Variants in FAM169A observed in about 807,000 individuals in gnomAD.
FAM169A encodes family with sequence similarity 169 member A, also known as soluble lamin-associated protein of 75 kDa.
A neutral mutation model predicts 75.7 loss-of-function variants in FAM169A; 24 were observed. That is an observed-to-expected ratio of 0.32 (90% CI 0.23 to 0.45). The LOEUF is 0.45. Ranked by LOEUF, FAM169A falls within the 20% of genes least tolerant of loss-of-function variation. The probability of loss-of-function intolerance (pLI) is 1.00; values close to 1 mark genes in which losing one functional copy is unlikely to be tolerated. For missense variants in FAM169A, 673 were observed against 784.0 expected, an observed-to-expected ratio of 0.86 and a Z score of 1.69; for synonymous variants, 271 against 271.0, an observed-to-expected ratio of 1.00 and a Z score of 0.00.
intron 1 of FAM169A, among the ~76,000 whole-genome samples, chr5:74,851,453 T>TA (rs147368152): frequency 7.9e-5 from 12 of 152,318 alleles, no homozygotes; most frequent in East Asian, 1.9e-4. Flanking sequence ...ACAAAATACA[T>TA]ACTGAATTAC....
intron 11 of FAM169A, among the ~76,000 whole-genome samples, chr5:74,792,680 T>C (rs1434099440): frequency 6.6e-6 from 1 of 152,096 alleles, no homozygotes; most frequent in Non-Finnish European, 1.5e-5. Flanking sequence ...ACACTAATTA[T>C]CAAGGAAATG....
In FAM169A at chr5:74,800,918, T is replaced by G. The variant is rs554555834; in HGVS notation, c.1065A>C (p.Glu355Asp). 1 of 1,514,928 alleles carries G rather than the reference T, an allele frequency of 6.6e-7. No homozygotes were observed. The highest frequency in any genetic ancestry group is 8.9e-7 in the Non-Finnish European group (1 of 1,128,376). 93.8% of individuals were successfully genotyped at this position (1,514,928 alleles called of 1,614,324 possible). A position where few individuals can be genotyped will look rare whatever the true frequency, so the allele number is the denominator to read the frequency against. The part of the protein sequence containing the change: ...SEFSSSQGED[E>D]KTSQTSLTAS... ...CTGTAAGTGAAGTCTGGGAGGTCTTTTCATCTTCACCTTGAGAACTGCTAA... is the reference window on the plus strand; with the variant it reads ...CTGTAAGTGAAGTCTGGGAGGTCTTGTCATCTTCACCTTGAGAACTGCTAA... The change falls in exon 10 of 13, where the codon GAA becomes GAC. Residue 355 changes from glutamate to aspartate, a missense_variant. Glu to Asp is a conservative substitution (Grantham distance 45). Coordinates refer to ENST00000687041, the MANE Select transcript of FAM169A (RefSeq NM_001376049.1).
chr5:74,835,962 CA>C (rs1360899188), intron 4 of FAM169A, among the ~76,000 whole-genome samples: 1 of 152,160 alleles, frequency 6.6e-6, no homozygotes, highest in Non-Finnish European at 1.5e-5. Flanking sequence ...AATTTCACAG[CA>C]ATGTTAAACA....
intron 5 of FAM169A, among the ~76,000 whole-genome samples, chr5:74,825,871 T>C (rs1747997781): frequency 6.6e-6 from 1 of 152,160 alleles, no homozygotes; most frequent in Admixed American, 6.5e-5. Flanking sequence ...TTCACAATAA[T>C]CTTGGTATGA....
At chr5:74,855,836 T>C (rs542693755) in intron 1 of FAM169A, among the ~76,000 whole-genome samples, 1 of 152,378 alleles carries the variant, frequency 6.6e-6, no homozygotes, top group East Asian at 1.9e-4. Context: ...TTGTGGGGTA[T>C]TGCTCATGCA....
intron 1 of FAM169A, chr5:74,848,909 T>C (rs943983428): frequency 8.5e-5 from 13 of 152,174 alleles, no homozygotes; most frequent in African/African-American, 3.1e-4. Flanking sequence ...TTCTGTTCTA[T>C]GTTATGTAAC....
chr5:74,796,262 GTAACA>G, intron 10 of FAM169A, 76 bp from the exon 11 acceptor site: 2 of 1,354,592 alleles, frequency 1.5e-6, no homozygotes, highest in Non-Finnish European at 2.0e-6. Context: ...CTTTCTTAAA[GTAACA>G]TTTTAGAGAA....
At chr5:74,785,887 T>C (rs898514722) in intron 11 of FAM169A, among the ~76,000 whole-genome samples, 4 of 152,188 alleles carry the variant, frequency 2.6e-5, no homozygotes, top group South Asian at 2.1e-4. Context: ...ACATCACTAA[T>C]TGTGATGGCT....
chr5:74,812,916 G>A (rs1321194985), intron 6 of FAM169A, among the ~76,000 whole-genome samples: 2 of 152,128 alleles, frequency 1.3e-5, no homozygotes, highest in Non-Finnish European at 2.9e-5. Flanking sequence ...ATTGCTTATG[G>A]GAATGTAAAA....
At chr5:74,845,568 A>G (rs763706352) in intron 1 of FAM169A, among the ~76,000 whole-genome samples, 1 of 152,208 alleles carries the variant, frequency 6.6e-6, no homozygotes, top group Non-Finnish European at 1.5e-5. Flanking sequence ...TATGGTTGGG[A>G]GCCTAATTTT....
At chr5:74,835,908 CAT>C (rs970575284) in intron 4 of FAM169A, among the ~76,000 whole-genome samples, 2 of 152,176 alleles carry the variant, frequency 1.3e-5, no homozygotes, top group Non-Finnish European at 2.9e-5. Flanking sequence ...TCTGCAGCCA[CAT>C]AGCCTATAAA....
At chr5:74,789,067 C>T (rs1745841847) in intron 11 of FAM169A, among the ~76,000 whole-genome samples, 1 of 152,202 alleles carries the variant, frequency 6.6e-6, no homozygotes, top group South Asian at 2.1e-4. Flanking sequence ...CTGGCAAGGC[C>T]AGCAACACAC....
At chr5:74,809,678 C>T (rs1747073362) in intron 6 of FAM169A, among the ~76,000 whole-genome samples, 1 of 152,124 alleles carries the variant, frequency 6.6e-6, no homozygotes, top group Non-Finnish European at 1.5e-5. Context: ...AAACACTTTA[C>T]TTGTTCTACC....
intron 1 of FAM169A, among the ~76,000 whole-genome samples, chr5:74,849,924 C>T (rs1301420240): frequency 1.3e-5 from 2 of 152,130 alleles, no homozygotes; most frequent in Non-Finnish European, 2.9e-5. Context: ...AAAGTAAAAA[C>T]ATTTAATTAT....
At chr5:74,842,133 A>C (rs1212630991) in intron 1 of FAM169A, among the ~76,000 whole-genome samples, 1 of 151,960 alleles carries the variant, frequency 6.6e-6, no homozygotes, top group East Asian at 1.9e-4. Context: ...AAATCTAAAA[A>C]AAATCACTGC....
chr5:74,801,056 A>G, intron 9 of FAM169A, 26 bp from the exon 10 acceptor site: 1 of 1,496,368 alleles, frequency 6.7e-7, no homozygotes, highest in Non-Finnish European at 8.9e-7. Flanking sequence ...GCAAAACTGC[A>G]CTTAATTGAT....
chr5:74,843,517 T>C (rs1748992212), intron 1 of FAM169A, among the ~76,000 whole-genome samples: 2 of 152,288 alleles, frequency 1.3e-5, no homozygotes, highest in South Asian at 4.1e-4. Context: ...GAAATACACA[T>C]ACCTATGGAA....
intron 5 of FAM169A, among the ~76,000 whole-genome samples, chr5:74,826,136 ATTTG>A (rs1039087766): frequency 6.6e-5 from 10 of 151,662 alleles, no homozygotes; most frequent in African/African-American, 2.4e-4. Context: ...ACTCTATTGG[ATTTG>A]TTTTAGTTTC....
At chr5:74,795,882 T>C in intron 11 of FAM169A, 148 bp downstream of exon 11, 1 of 667,892 alleles carries the variant, frequency 1.5e-6, no homozygotes, top group Non-Finnish European at 2.4e-6. Flanking sequence ...CTCTAGTACC[T>C]GACCTTGCTT....
Sources: allele counts gnomAD v4.1 joint callset (sites outside exome capture counted in the v4.1 genomes callset), GRCh38; gene constraint gnomAD v4.1.1; transcripts MANE v1.5; gene names NCBI Gene and HGNC (gene_info 2026-07-23, HGNC 2026-07-21).